TMPRSS12: variants seen among roughly 807,000 people sequenced by gnomAD.
TMPRSS12 encodes transmembrane protease serine 12.
TMPRSS12 carries 25 observed loss-of-function variants against 26.0 expected under a neutral mutation model. The ratio of observed to expected loss-of-function variants is 0.96; its 90% CI spans 0.70 to 1.34. TMPRSS12 has a LOEUF of 1.34. Ranked by LOEUF, TMPRSS12 falls within the 40% of genes most tolerant of loss-of-function variation. The pLI, the probability that TMPRSS12 is intolerant of heterozygous loss-of-function variation, is 0.00. For missense variants in TMPRSS12, 441 were observed against 440.1 expected, an observed-to-expected ratio of 1.00 and a Z score of -0.02; for synonymous variants, 150 against 161.7, an observed-to-expected ratio of 0.93 and a Z score of 0.55.
chr12:50,882,055 A>C (rs1401004227), intron 3 of TMPRSS12, among the ~76,000 whole-genome samples: 1 of 129,500 alleles, frequency 7.7e-6, no homozygotes, highest in African/African-American at 2.8e-5. Context: ...TTATTTAGTT[A>C]GTTAGTTTGA....
intron 3 of TMPRSS12, among the ~76,000 whole-genome samples, chr12:50,877,204 A>G (rs942577124): frequency 4.6e-5 from 7 of 152,192 alleles, no homozygotes; most frequent in African/African-American, 1.7e-4. Context: ...TATCCCCTGA[A>G]TCTGAAATAA....
rs1220258830 is a variant in TMPRSS12 at position 50,842,988 on chromosome 12, G to A, written c.24G>A (p.Val8=). 1 of 1,597,178 alleles carries A rather than the reference G, an allele frequency of 6.3e-7. No individual in the cohort carries two copies. Among genetic ancestry groups the A allele is most frequent in the East Asian group, 2.3e-5 (1 of 43,960 alleles). Residue 8 remains valine (V), a synonymous_variant, in exon 1 of 5, where the codon GTG becomes GTA. Coordinates refer to ENST00000398458, the MANE Select transcript of TMPRSS12 (RefSeq NM_182559.3). The part of the protein sequence containing the change: MRLGLLS[V]ALLFVGSSHL... ...AAATGCGGCTGGGGCTCCTGAGCGT[G>A]GCGCTGTTGTTTGTGGGGAGCTCTC...
intron 3 of TMPRSS12, among the ~76,000 whole-genome samples, chr12:50,872,861 T>TAC (rs1938076022): frequency 2.7e-5 from 1 of 36,962 alleles, no homozygotes; most frequent in Non-Finnish European, 7.4e-5. Context: ...TACATATATA[T>TAC]GACTATATAT....
chr12:50,847,057 C>CTTTTTT (rs547352999), intron 2 of TMPRSS12, among the ~76,000 whole-genome samples: 8 of 109,920 alleles, frequency 7.3e-5, no homozygotes, highest in Admixed American at 1.1e-4. Flanking sequence ...AGTCTAAAAA[C>CTTTTTT]TTTTTTTTTT....
chr12:50,878,249 A>G, intron 3 of TMPRSS12, among the ~76,000 whole-genome samples: 1 of 151,788 alleles, frequency 6.6e-6, no homozygotes, highest in Non-Finnish European at 1.5e-5. Context: ...TTCAAAACGT[A>G]TTATAAAACC....
intron 3 of TMPRSS12, among the ~76,000 whole-genome samples, chr12:50,862,906 A>T (rs1279678389): frequency 6.6e-6 from 1 of 152,096 alleles, no homozygotes; most frequent in Non-Finnish European, 1.5e-5. Context: ...ACATGGCTAC[A>T]TTAATCAAAA....
Position 50,887,396 on chromosome 12 carries a change from A to C in TMPRSS12, c.930A>C (p.Gln310His). The change falls in exon 5 of 5, where the codon CAA (glutamine) becomes CAC (histidine). Residue 310 changes from glutamine to histidine, a missense_variant. By Grantham distance (24) the Gln-to-His change is conservative. Transcript: ENST00000398458. Reference sequence around the variant, plus strand: ...TCTATATTGGGCCATCCTTCTACCAAAAGTGGCTGACAGAGCATTTCTTCC... The same window carrying C: ...TCTATATTGGGCCATCCTTCTACCACAAGTGGCTGACAGAGCATTTCTTCC... ...PGVYIGPSFY[Q>H]KWLTEHFFHA... The C allele has an allele frequency of 1.9e-6, 3 of 1,613,986 alleles. No individual in the cohort carries two copies. Among genetic ancestry groups the C allele is most frequent in the Non-Finnish European group, 2.5e-6 (3 of 1,179,872 alleles).
At chr12:50,877,762 G>A (rs558489909) in intron 3 of TMPRSS12, among the ~76,000 whole-genome samples, 2 of 152,048 alleles carry the variant, frequency 1.3e-5, no homozygotes, top group South Asian at 2.1e-4. Flanking sequence ...GGCATGCGCC[G>A]CCACGCGTGG....
At chr12:50,860,536 C>T (rs556235453) in intron 3 of TMPRSS12, among the ~76,000 whole-genome samples, 68 of 152,294 alleles carry the variant, frequency 4.5e-4, no homozygotes, top group African/African-American at 1.6e-3. Flanking sequence ...CTGCTTCAGC[C>T]TCTCCAATAG....
intron 2 of TMPRSS12, among the ~76,000 whole-genome samples, chr12:50,850,437 C>A (rs771201333): frequency 6.6e-6 from 1 of 152,036 alleles, no homozygotes; most frequent in African/African-American, 2.4e-5. Context: ...AAAATTAGCC[C>A]GGTATGGTGG....
chr12:50,843,541 G>A (rs1937734743), intron 1 of TMPRSS12, among the ~76,000 whole-genome samples: 1 of 152,110 alleles, frequency 6.6e-6, no homozygotes, highest in Non-Finnish European at 1.5e-5. Context: ...CTCTTTAACT[G>A]CTATTTCACA....
chr12:50,851,891 T>A (rs1191036520), intron 2 of TMPRSS12, among the ~76,000 whole-genome samples: 3 of 152,356 alleles, frequency 2.0e-5, no homozygotes, highest in Non-Finnish European at 4.4e-5. Context: ...GGGCAGTCTA[T>A]ATTTAGCATC....
intron 2 of TMPRSS12, among the ~76,000 whole-genome samples, chr12:50,844,269 A>G (rs1377419247): frequency 1.3e-5 from 2 of 152,114 alleles, no homozygotes; most frequent in East Asian, 3.8e-4. Context: ...ATAGGTATAC[A>G]TGTCCATGGT....
intron 3 of TMPRSS12, among the ~76,000 whole-genome samples, chr12:50,868,698 T>G (rs184404677): frequency 6.6e-6 from 1 of 152,192 alleles, no homozygotes; most frequent in South Asian, 2.1e-4. Context: ...GAATACACTT[T>G]CTATTCAACA....
At chr12:50,863,197 A>G (rs80059970) in intron 3 of TMPRSS12, among the ~76,000 whole-genome samples, 1 of 152,148 alleles carries the variant, frequency 6.6e-6, no homozygotes, top group South Asian at 2.1e-4. Context: ...GCTGGAATGG[A>G]AAAAAGAGAA....
rs571003328 is a variant in TMPRSS12 at position 50,869,305 on chromosome 12, C to T, written c.652+10252C>T. Among the ~76,000 whole-genome samples, 220 of 152,092 alleles carry T rather than the reference C, an allele frequency of 1.4e-3. 3 individuals carry two copies. Among genetic ancestry groups the T allele is most frequent in the Admixed American group, 0.014 (219 of 15,278 alleles). On this transcript the variant is annotated intron_variant, in intron 3 of 4. Transcript: ENST00000398458. ...AAATCCAAATAACCTCAATAAGAAACGTAACAGGAGATATTACAACTGACA... is the reference window on the plus strand; with the variant it reads ...AAATCCAAATAACCTCAATAAGAAATGTAACAGGAGATATTACAACTGACA...
chr12:50,862,279 G>A (rs951666977), intron 3 of TMPRSS12, among the ~76,000 whole-genome samples: 2 of 152,192 alleles, frequency 1.3e-5, no homozygotes, highest in African/African-American at 4.8e-5. Flanking sequence ...GAATACATAG[G>A]TTAAGGACTC....
rs779261091 is a variant in TMPRSS12, at chr12:50,858,768, T to C, written c.384-17T>C. ...TAATTAAAGATATTTATAATAAGAA[T>C]GTTTACTTTCTTTCAGCGATCCTTT... On this transcript the variant is annotated splice_polypyrimidine_tract_variant and intron_variant, in intron 2 of 4. Coordinates refer to ENST00000398458, the MANE Select transcript of TMPRSS12 (RefSeq NM_182559.3). 10 of 1,491,366 alleles carry C rather than the reference T, an allele frequency of 6.7e-6. No homozygotes were observed. In the South Asian group the frequency reaches 1.4e-4, roughly 21 times the overall value. 92.4% of individuals were successfully genotyped at this position (1,491,366 alleles called of 1,614,324 possible).
intron 3 of TMPRSS12, among the ~76,000 whole-genome samples, chr12:50,860,330 G>A (rs757836333): frequency 1.3e-5 from 2 of 152,136 alleles, no homozygotes; most frequent in East Asian, 1.9e-4. Flanking sequence ...AAACATAGAC[G>A]ACACAGTCTC....
Sources: gnomAD v4.1 joint callset for allele counts (sites outside exome capture counted in the v4.1 genomes callset) on GRCh38, gnomAD v4.1.1 for gene constraint, MANE v1.5 for transcripts, NCBI Gene and HGNC (gene_info 2026-07-23, HGNC 2026-07-21) for gene names.